Variants in CAMK2N2 observed in about 807,000 individuals in gnomAD.
CAMK2N2 encodes the protein calcium/calmodulin-dependent protein kinase II inhibitor 2.
CAMK2N2 carries 3 observed loss-of-function variants against 7.8 expected under a neutral mutation model. The observed-to-expected ratio is 0.38, with a 90% confidence interval of 0.18 to 0.99. The LOEUF (loss-of-function observed/expected upper bound fraction) is 0.99, where lower values mean the gene tolerates loss of function less well. Among genes scored for constraint, CAMK2N2 ranks in the 50% least tolerant of loss-of-function variants. CAMK2N2 has a pLI of 0.37. For synonymous variants in CAMK2N2, 45 were observed against 46.6 expected (o/e 0.97, Z 0.14); for missense variants, 85 against 108.4 (o/e 0.78, Z 0.96).
Position 184,260,418 on chromosome 3 carries a change from C to A in CAMK2N2, c.170-191G>T, listed in dbSNP as rs573653970. ...ACCCGCCGCCAAGCCTAGACCCCCT[C>A]CCCTCCCGATGGCGGAACGCCCCTC... On this transcript the variant is annotated intron_variant, in intron 1 of 1. Coordinates refer to ENST00000296238, the MANE Select transcript of CAMK2N2 (RefSeq NM_033259.3). This position sits in a 1 kb window ranked among gnomAD's most constrained non-coding sequence, Gnocchi z 6.6. 1.3e-5 allele frequency among the ~76,000 whole-genome samples: 2 copies of A among 152,350 alleles called. No homozygotes were observed. Among genetic ancestry groups the A allele is most frequent in the Admixed American group, 6.5e-5 (1 of 15,312 alleles).
rs1430292143 is a variant in CAMK2N2 at position 184,261,192 on chromosome 3, C to G, written c.94G>C (p.Asp32His). 1.2e-6 allele frequency: 2 copies of G among 1,608,380 alleles called. No homozygotes were observed. Among genetic ancestry groups the G allele is most frequent in the African/African-American group, 2.7e-5 (2 of 73,834 alleles). ...SDLSFSCRLQ[D>H]TNSFFAGNQA... is the part of the protein sequence containing the mutation. ...TTGCCCGCGAAGAAGGAGTTGGTGTCCTGCAGGCGGCAGCTGAAGGAGAGG... is the reference window on the plus strand; with the variant it reads ...TTGCCCGCGAAGAAGGAGTTGGTGTGCTGCAGGCGGCAGCTGAAGGAGAGG... The change falls in exon 1 of 2, where the codon GAC becomes CAC. Residue 32 changes from aspartate (D) to histidine (H), a missense_variant. By Grantham distance (81) the Asp-to-His change is moderately conservative. Coordinates refer to ENST00000296238, the MANE Select transcript of CAMK2N2 (RefSeq NM_033259.3). The surrounding 1 kb of genome is among the most constrained non-coding windows in gnomAD (Gnocchi z 5.1).
In CAMK2N2 at chr3:184,261,025, G is replaced by C. The variant is rs892380874; in HGVS notation, c.169+92C>G. ...CGGCTGGTGCGCTGGTCTGCGGCAA[G>C]AGCTGCGGGCACTCGGCGGGGAACG... On this transcript the variant is annotated intron_variant, in intron 1 of 1. Transcript: ENST00000296238. This position sits in a 1 kb window ranked among gnomAD's most constrained non-coding sequence, Gnocchi z 5.1. 7.4e-7 allele frequency: 1 copy of C among 1,353,826 alleles called. No homozygotes were observed. The highest frequency in any genetic ancestry group is 9.7e-7 in the Non-Finnish European group (1 of 1,029,428). 83.9% of individuals were successfully genotyped at this position (1,353,826 alleles called of 1,614,324 possible). A position where few individuals can be genotyped will look rare whatever the true frequency, so the allele number is the denominator to read the frequency against.
At position 184,260,202 on chromosome 3, in the gene CAMK2N2, G is replaced by T; in HGVS notation, c.195C>A (p.Asp65Glu). Residue 65 changes from aspartate (D) to glutamate (E), a missense_variant, in exon 2 of 2, where the codon GAC becomes GAA. Coordinates refer to ENST00000296238, the MANE Select transcript of CAMK2N2 (RefSeq NM_033259.3). This position sits in a 1 kb window ranked among gnomAD's most constrained non-coding sequence, Gnocchi z 6.6. ...TCTCCCCCATCCCCTTCAGCACGTC[G>T]TCTATCCGGTCATCCTCGATCACCA... ...KRVVIEDDRI[D>E]DVLKGMGEKP... 1 of 1,610,588 alleles carries T rather than the reference G, an allele frequency of 6.2e-7. No individual in the cohort carries two copies. The highest frequency in any genetic ancestry group is 8.5e-7 in the Non-Finnish European group (1 of 1,178,568).
rs2108453674 is a variant in CAMK2N2 at position 184,260,240 on chromosome 3, A to C, written c.170-13T>G. ...TCCTCGATCACCACTGCGCAGGGAGAAAGCGCGTCAGCCGCGCGGCCTCGG... is the reference window on the plus strand; with the variant it reads ...TCCTCGATCACCACTGCGCAGGGAGCAAGCGCGTCAGCCGCGCGGCCTCGG... On this transcript the variant is annotated splice_polypyrimidine_tract_variant and intron_variant, in intron 1 of 1. Transcript: ENST00000296238. The surrounding 1 kb of genome is among the most constrained non-coding windows in gnomAD (Gnocchi z 6.6). 1 of 1,607,474 alleles carries C rather than the reference A, an allele frequency of 6.2e-7. No individual in the cohort carries two copies. The highest frequency in any genetic ancestry group is 1.1e-5 in the South Asian group (1 of 90,936).
Position 184,260,365 on chromosome 3 carries a change from T to C in CAMK2N2, c.170-138A>G, listed in dbSNP as rs1022081330. On this transcript the variant is annotated intron_variant, in intron 1 of 1. Coordinates refer to ENST00000296238, the MANE Select transcript of CAMK2N2 (RefSeq NM_033259.3). This position sits in a 1 kb window ranked among gnomAD's most constrained non-coding sequence, Gnocchi z 6.6. ...CTCGGAACCCTGTGCCGCGGTGTCCTCCCCGTCCGAACTCTTCTGGAGACC... is the reference window on the plus strand; with the variant it reads ...CTCGGAACCCTGTGCCGCGGTGTCCCCCCCGTCCGAACTCTTCTGGAGACC... 2.8e-6 allele frequency: 2 copies of C among 723,588 alleles called. No individual in the cohort carries two copies. Among genetic ancestry groups the C allele is most frequent in the Non-Finnish European group, 4.4e-6 (2 of 456,764 alleles). 44.8% of individuals were successfully genotyped at this position (723,588 alleles called of 1,614,324 possible).
rs1720017882 is a variant in CAMK2N2 at position 184,260,826 on chromosome 3, C to A, written c.169+291G>T. The stretch of plus-strand genomic sequence containing the variant: ...AAGAATCAGCCCGTTACCCCGTGCT[C>A]CCACTTCCGTGCAGCCCCAAATGCC... On this transcript the variant is annotated intron_variant, in intron 1 of 1. Coordinates refer to ENST00000296238, the MANE Select transcript of CAMK2N2 (RefSeq NM_033259.3). The surrounding 1 kb of genome is among the most constrained non-coding windows in gnomAD (Gnocchi z 6.6). Among the ~76,000 whole-genome samples, 1 of 152,230 alleles carries A rather than the reference C, an allele frequency of 6.6e-6. No homozygotes were observed. Among genetic ancestry groups the A allele is most frequent in the African/African-American group, 2.4e-5 (1 of 41,462 alleles).
rs1245750213 is a variant in CAMK2N2, at chr3:184,261,521, CG to C, written c.-237del. ...ACCGGGCGGGGGCGGGGGCGGGGGG[CG>C]GGGGTGGCGGCGGCGGCGGCAAGAG... On this transcript the variant is annotated 5_prime_UTR_variant, in exon 1 of 2. Coordinates refer to ENST00000296238, the MANE Select transcript of CAMK2N2 (RefSeq NM_033259.3). The surrounding 1 kb of genome is among the most constrained non-coding windows in gnomAD (Gnocchi z 5.1). 1.8e-5 allele frequency: 2 copies of C among 113,728 alleles called. No individual in the cohort carries two copies. Among genetic ancestry groups the C allele is most frequent in the Admixed American group, 8.5e-5 (1 of 11,774 alleles). 7.0% of individuals were successfully genotyped at this position (113,728 alleles called of 1,614,324 possible).
Position 184,260,912 on chromosome 3 carries a change from C to A in CAMK2N2, c.169+205G>T, listed in dbSNP as rs1273121284. 6.6e-6 allele frequency among the ~76,000 whole-genome samples: 1 copy of A among 152,170 alleles called. No homozygotes were observed. Among genetic ancestry groups the A allele is most frequent in the Non-Finnish European group, 1.5e-5 (1 of 68,020 alleles). On this transcript the variant is annotated intron_variant, in intron 1 of 1. Transcript: ENST00000296238. This position sits in a 1 kb window ranked among gnomAD's most constrained non-coding sequence, Gnocchi z 6.6. ...CTCTGCTTCCAGAGGTGGCGAGCATCGAATCCGGGGCACCGTGTTCCCGGG... is the reference window on the plus strand; with the variant it reads ...CTCTGCTTCCAGAGGTGGCGAGCATAGAATCCGGGGCACCGTGTTCCCGGG...
rs1221889231 is a variant in CAMK2N2 at position 184,261,358 on chromosome 3, C to G, written c.-73G>C. 7.7e-5 allele frequency: 98 copies of G among 1,266,620 alleles called. No homozygotes were observed. Among genetic ancestry groups the G allele is most frequent in the East Asian group, 5.7e-4 (18 of 31,402 alleles). The allele number at this position is 1,266,620 out of a possible 1,614,324, so 78.5% of individuals were successfully genotyped here. A position where few individuals can be genotyped will look rare whatever the true frequency, so the allele number is the denominator to read the frequency against. Reference sequence around the variant, plus strand: ...GCGGGCGGCGGGCTTGCTGCCGGACCGGCCCTACCTCAGCAGGGGAGCCGG... The same window carrying G: ...GCGGGCGGCGGGCTTGCTGCCGGACGGGCCCTACCTCAGCAGGGGAGCCGG... On this transcript the variant is annotated 5_prime_UTR_variant, in exon 1 of 2. Transcript: ENST00000296238. The surrounding 1 kb of genome is among the most constrained non-coding windows in gnomAD (Gnocchi z 5.1).
Position 184,260,308 on chromosome 3 carries a change from G to GC in CAMK2N2, c.170-82dup. The GC allele has an allele frequency of 7.3e-7, 1 of 1,368,310 alleles. No homozygotes were observed. Among genetic ancestry groups the GC allele is most frequent in the Non-Finnish European group, 1.0e-6 (1 of 978,530 alleles). 84.8% of individuals were successfully genotyped at this position (1,368,310 alleles called of 1,614,324 possible). A position where few individuals can be genotyped will look rare whatever the true frequency, so the allele number is the denominator to read the frequency against. On this transcript the variant is annotated intron_variant, in intron 1 of 1. Transcript: ENST00000296238. This position sits in a 1 kb window ranked among gnomAD's most constrained non-coding sequence, Gnocchi z 6.6. ...AATGAGCCCCGCGTCCTAGCTTCCC[G>GC]CGCAGCTACTGCCCGTGGCCCAGCG...
rs796658187 is a variant in CAMK2N2, at chr3:184,259,728, G to A, written c.*429C>T. ...AGGACTGGGCTCAAGTGGGTGGAAAGCTCATGCAAGTACGCAGCCAAACAT... is the reference window on the plus strand; with the variant it reads ...AGGACTGGGCTCAAGTGGGTGGAAAACTCATGCAAGTACGCAGCCAAACAT... On this transcript the variant is annotated 3_prime_UTR_variant, in exon 2 of 2. Transcript: ENST00000296238. 5.2e-5 allele frequency: 8 copies of A among 152,388 alleles called. No homozygotes were observed. Among genetic ancestry groups the A allele is most frequent in the African/African-American group, 1.9e-4 (8 of 41,502 alleles). 9.4% of individuals were successfully genotyped at this position (152,388 alleles called of 1,614,324 possible).
At position 184,261,067 on chromosome 3, in the gene CAMK2N2, C is replaced by G; in HGVS notation, c.169+50G>C. 1 of 1,523,684 alleles carries G rather than the reference C, an allele frequency of 6.6e-7. No individual in the cohort carries two copies. Among genetic ancestry groups the G allele is most frequent in the Non-Finnish European group, 8.7e-7 (1 of 1,143,510 alleles). 94.4% of individuals were successfully genotyped at this position (1,523,684 alleles called of 1,614,324 possible). A position where few individuals can be genotyped will look rare whatever the true frequency, so the allele number is the denominator to read the frequency against. ...CGGGGAACGGCAGCCGGGGGGCGCC[C>G]GGCGGAGGGTTTCTGGGTCAGGCGG... On this transcript the variant is annotated intron_variant, in intron 1 of 1. Transcript: ENST00000296238. The surrounding 1 kb of genome is among the most constrained non-coding windows in gnomAD (Gnocchi z 5.1).
rs1176686465 is a variant in CAMK2N2, at chr3:184,260,506, CCT to C, written c.170-281_170-280del. 2.6e-5 allele frequency among the ~76,000 whole-genome samples: 4 copies of C among 152,238 alleles called. No homozygotes were observed. The highest frequency in any genetic ancestry group is 9.6e-5 in the African/African-American group (4 of 41,472). ...CCCTCCTGCCACCTGAGCCTTCCTCCCTCTGAGTTGATCAGAAACCTCTTGCT... is the reference window on the plus strand; with the variant it reads ...CCCTCCTGCCACCTGAGCCTTCCTCCCTGAGTTGATCAGAAACCTCTTGCT... On this transcript the variant is annotated intron_variant, in intron 1 of 1. Transcript: ENST00000296238. The surrounding 1 kb of genome is among the most constrained non-coding windows in gnomAD (Gnocchi z 6.6).
In CAMK2N2 at chr3:184,260,155, G is replaced by A. The variant is rs761314672; in HGVS notation, c.*2C>T. ...CGGAGCCCGCCGCCCGAGCCGGCGC[G>A]TCTACACTCCGGACGGCGGCTTCTC... is the stretch of plus-strand genomic sequence containing the variant. On this transcript the variant is annotated 3_prime_UTR_variant, in exon 2 of 2. Coordinates refer to ENST00000296238, the MANE Select transcript of CAMK2N2 (RefSeq NM_033259.3). The surrounding 1 kb of genome is among the most constrained non-coding windows in gnomAD (Gnocchi z 6.6). 19 of 1,588,746 alleles carry A rather than the reference G, an allele frequency of 1.2e-5. No individual in the cohort carries two copies. The highest frequency in any genetic ancestry group is 1.5e-5 in the Non-Finnish European group (18 of 1,166,624).
Position 184,260,257 on chromosome 3 carries a change from C to T in CAMK2N2, c.170-30G>A. The T allele has an allele frequency of 6.2e-7, 1 of 1,601,984 alleles. No individual in the cohort carries two copies. The highest frequency in any genetic ancestry group is 8.5e-7 in the Non-Finnish European group (1 of 1,172,760). On this transcript the variant is annotated intron_variant, in intron 1 of 1. Transcript: ENST00000296238. The surrounding 1 kb of genome is among the most constrained non-coding windows in gnomAD (Gnocchi z 6.6). Reference sequence around the variant, plus strand: ...GCAGGGAGAAAGCGCGTCAGCCGCGCGGCCTCGGGGGGCGGCGGCGATGAG... The same window carrying T: ...GCAGGGAGAAAGCGCGTCAGCCGCGTGGCCTCGGGGGGCGGCGGCGATGAG...
Position 184,260,118 on chromosome 3 carries a change from C to A in CAMK2N2, c.*39G>T. 3.7e-6 allele frequency: 5 copies of A among 1,344,038 alleles called. No homozygotes were observed. Among genetic ancestry groups the A allele is most frequent in the Non-Finnish European group, 4.9e-6 (5 of 1,029,494 alleles). 83.3% of individuals were successfully genotyped at this position (1,344,038 alleles called of 1,614,324 possible). A position where few individuals can be genotyped will look rare whatever the true frequency, so the allele number is the denominator to read the frequency against. On this transcript the variant is annotated 3_prime_UTR_variant, in exon 2 of 2. Coordinates refer to ENST00000296238, the MANE Select transcript of CAMK2N2 (RefSeq NM_033259.3). This position sits in a 1 kb window ranked among gnomAD's most constrained non-coding sequence, Gnocchi z 6.6. ...CGCCGGCCCGCGCTCCTGGCCGCTG[C>A]GAGGCTGGGCCCGGAGCCCGCCGCC...
Position 184,260,982 on chromosome 3 carries a change from C to G in CAMK2N2, c.169+135G>C. ...CACACTGCAGCGGGGACCCCCCCCT[C>G]CAGCCCGGGCTGGAGAGCGGCTGGT... On this transcript the variant is annotated intron_variant, in intron 1 of 1. Coordinates refer to ENST00000296238, the MANE Select transcript of CAMK2N2 (RefSeq NM_033259.3). This position sits in a 1 kb window ranked among gnomAD's most constrained non-coding sequence, Gnocchi z 6.6. 16 of 837,290 alleles carry G rather than the reference C, an allele frequency of 1.9e-5. No homozygotes were observed. The highest frequency in any genetic ancestry group is 3.8e-5 in the East Asian group (1 of 26,200). The allele number at this position is 837,290 out of a possible 1,614,324, so 51.9% of individuals were successfully genotyped here.
At position 184,260,977 on chromosome 3, in the gene CAMK2N2, C is replaced by G; in HGVS notation, c.169+140G>C. 1 of 873,980 alleles carries G rather than the reference C, an allele frequency of 1.1e-6. No individual in the cohort carries two copies. The highest frequency in any genetic ancestry group is 1.6e-6 in the Non-Finnish European group (1 of 609,338). The allele number at this position is 873,980 out of a possible 1,614,324, so 54.1% of individuals were successfully genotyped here. On this transcript the variant is annotated intron_variant, in intron 1 of 1. Coordinates refer to ENST00000296238, the MANE Select transcript of CAMK2N2 (RefSeq NM_033259.3). This position sits in a 1 kb window ranked among gnomAD's most constrained non-coding sequence, Gnocchi z 6.6. ...GGACACACACTGCAGCGGGGACCCC[C>G]CCCTCCAGCCCGGGCTGGAGAGCGG...
rs1201169669 is a variant in CAMK2N2 at position 184,261,290 on chromosome 3, G to T, written c.-5C>A. On this transcript the variant is annotated 5_prime_UTR_variant, in exon 1 of 2. Coordinates refer to ENST00000296238, the MANE Select transcript of CAMK2N2 (RefSeq NM_033259.3). The surrounding 1 kb of genome is among the most constrained non-coding windows in gnomAD (Gnocchi z 5.1). ...GTAGGGCAGGATCTCGGACATGGCG[G>T]GCGCGGGGTGGGCGCGGGGCGGGAG... The T allele has an allele frequency of 3.3e-6, 5 of 1,524,794 alleles. No homozygotes were observed. Among genetic ancestry groups the T allele is most frequent in the Non-Finnish European group, 4.4e-6 (5 of 1,143,040 alleles). The allele number at this position is 1,524,794 out of a possible 1,614,324, so 94.5% of individuals were successfully genotyped here. A position where few individuals can be genotyped will look rare whatever the true frequency, so the allele number is the denominator to read the frequency against.
Sources: allele counts gnomAD v4.1 joint callset (sites outside exome capture counted in the v4.1 genomes callset), GRCh38; gene constraint gnomAD v4.1.1; non-coding constraint Gnocchi (gnomAD v3.1); transcripts MANE v1.5; gene names NCBI Gene and HGNC (gene_info 2026-07-23, HGNC 2026-07-21).